BBS5: variants seen among roughly 807,000 people sequenced by gnomAD.
The protein encoded by BBS5 is BBSome complex member BBS5.
BBS5 carries 39 observed loss-of-function variants against 50.2 expected under a neutral mutation model. That is an observed-to-expected ratio of 0.78 (90% CI 0.60 to 1.01). The LOEUF (loss-of-function observed/expected upper bound fraction) is 1.01, where lower values mean the gene tolerates loss of function less well. Among genes scored for constraint, BBS5 ranks in the 50% least tolerant of loss-of-function variants. The pLI is 0.00. For missense variants in BBS5, 356 were observed against 401.5 expected (o/e 0.89, Z 0.97); for synonymous variants, 134 against 133.1 (o/e 1.01, Z -0.05).
At position 169,479,494 on chromosome 2, in the gene BBS5, A is replaced by G; in HGVS notation, c.-60A>G. On this transcript the variant is annotated 5_prime_UTR_variant, in exon 1 of 12. Transcript: ENST00000295240. Reference sequence around the variant, plus strand: ...AGAGGCGGCCCGTTGCCTTGGAGCCAGAGAGACGCAGCTAGGCCTGCACGG... The same window carrying G: ...AGAGGCGGCCCGTTGCCTTGGAGCCGGAGAGACGCAGCTAGGCCTGCACGG... The G allele has an allele frequency of 1.3e-6, 2 of 1,591,910 alleles. No individual in the cohort carries two copies. Among genetic ancestry groups the G allele is most frequent in the South Asian group, 1.1e-5 (1 of 90,002 alleles).
chr2:169,503,479 T>C (rs1047255787), intron 10 of BBS5, among the ~76,000 whole-genome samples: 9 of 151,852 alleles, frequency 5.9e-5, no homozygotes, highest in Non-Finnish European at 1.0e-4. Flanking sequence ...CTGGCCAACA[T>C]GGCAAAAATC....
At chr2:169,482,129 A>G in intron 1 of BBS5, 122 bp from the exon 2 acceptor site, 1 of 750,550 alleles carries the variant, frequency 1.3e-6, no homozygotes, top group South Asian at 1.5e-5. Context: ...ATGCATGAAC[A>G]TTTGGTACAG....
chr2:169,482,648 A>C (rs1683418128), intron 2 of BBS5: 2 of 348,256 alleles, frequency 5.7e-6, no homozygotes, highest in African/African-American at 4.2e-5. Context: ...GATATGGGGT[A>C]GTGGAATATA....
Position 169,492,611 on chromosome 2 carries a change from G to T in BBS5, c.387-263G>T, listed in dbSNP as rs72885834. On this transcript the variant is annotated intron_variant, in intron 5 of 11. Transcript: ENST00000295240. ...AAGAAAAATATAGCTGGGTACAGTG[G>T]CACATGCCTATAGTCCCAGCTACTC... Among the ~76,000 whole-genome samples the T allele has an allele frequency of 0.081, 12,312 of 152,028 alleles. 641 individuals carry two copies. Among genetic ancestry groups the T allele is most frequent in the Non-Finnish European group, 0.11 (7,698 of 67,970 alleles).
intron 9 of BBS5, among the ~76,000 whole-genome samples, chr2:169,500,480 C>G (rs563711808): frequency 6.6e-6 from 1 of 152,344 alleles, no homozygotes; most frequent in East Asian, 1.9e-4. Context: ...TCACTGATCA[C>G]TCGATTGTAG....
At chr2:169,486,964 G>C in intron 2 of BBS5, 105 bp from the exon 3 acceptor site, 4 of 788,332 alleles carry the variant, frequency 5.1e-6, no homozygotes, top group Non-Finnish European at 9.2e-6. Flanking sequence ...AAATATCTGA[G>C]TGTTGCTTCT....
chr2:169,503,447 A>G (rs549824490), intron 10 of BBS5, among the ~76,000 whole-genome samples: 1 of 152,278 alleles, frequency 6.6e-6, no homozygotes, highest in Admixed American at 6.5e-5. Flanking sequence ...ATCGCTTGAG[A>G]GGATAGGAGT....
intron 10 of BBS5, 133 bp downstream of exon 10, chr2:169,503,311 A>G: frequency 1.3e-6 from 1 of 749,554 alleles, no homozygotes; most frequent in South Asian, 1.6e-5. Context: ...TTTGAAGATA[A>G]TATTTTTAGT....
chr2:169,492,414 TG>T (rs1400608000), intron 5 of BBS5, among the ~76,000 whole-genome samples: 2 of 149,384 alleles, frequency 1.3e-5, no homozygotes, highest in African/African-American at 2.5e-5. Flanking sequence ...CACTTGAACC[TG>T]GGAGGCAGAG....
chr2:169,502,993 T>C (rs1683836573), intron 9 of BBS5, 102 bp from the exon 10 acceptor site: 1 of 858,804 alleles, frequency 1.2e-6, no homozygotes, highest in Non-Finnish European at 1.9e-6. Context: ...GTGATTTTTA[T>C]AAGACTTTAG....
chr2:169,482,828 C>G (rs1204620577), intron 2 of BBS5: 1 of 162,160 alleles, frequency 6.2e-6, no homozygotes, highest in Non-Finnish European at 1.3e-5. Flanking sequence ...TCCTGTGAGT[C>G]TTCTCTGACT....
rs2105303568 is a variant in BBS5 at position 169,503,153 on chromosome 2, C to G, written c.875C>G (p.Ser292Cys). ...EQIQDDVEIDSDGHTDAFVAY... is the reference protein window; with the variant it reads ...EQIQDDVEIDCDGHTDAFVAY... ...ATTCAAGATGATGTAGAAATAGACT[C>G]TGATGGTCACACGGATGCTTTTGTG... Residue 292 changes from serine to cysteine, a missense_variant, in exon 10 of 12, where the codon TCT becomes TGT. By Grantham distance (112) the Ser-to-Cys change is moderately radical. Coordinates refer to ENST00000295240, the MANE Select transcript of BBS5 (RefSeq NM_152384.3). The G allele has an allele frequency of 6.2e-7, 1 of 1,613,776 alleles. No homozygotes were observed. Among genetic ancestry groups the G allele is most frequent in the Admixed American group, 1.7e-5 (1 of 60,012 alleles).
intron 9 of BBS5, among the ~76,000 whole-genome samples, chr2:169,501,388 CATTT>C (rs1683798912): frequency 6.6e-6 from 1 of 152,100 alleles, no homozygotes; most frequent in African/African-American, 2.4e-5. Flanking sequence ...CCAGTTTCAT[CATTT>C]ATTTGTGATC....
intron 8 of BBS5, 195 bp from the exon 9 acceptor site, chr2:169,499,291 G>A (rs1683754208): frequency 1.8e-6 from 1 of 544,054 alleles, no homozygotes; most frequent in African/African-American, 1.9e-5. Context: ...CTGGATGATG[G>A]CTCCGTGGAG....
rs1222339920 is a variant in BBS5 at position 169,484,470 on chromosome 2, T to C, written c.142+2137T>C. 3.3e-5 allele frequency among the ~76,000 whole-genome samples: 5 copies of C among 152,312 alleles called. No individual in the cohort carries two copies. In the East Asian group the frequency reaches 9.6e-4, roughly 29 times the overall value. On this transcript the variant is annotated intron_variant, in intron 2 of 11. Coordinates refer to ENST00000295240, the MANE Select transcript of BBS5 (RefSeq NM_152384.3). ...ATTTTACAGGAGTACGCAGCGCTTC[T>C]GGTCATTAAGGAGTTAAAAAATGGA...
Position 169,505,000 on chromosome 2 carries a change from A to G in BBS5, c.*418A>G. The G allele has an allele frequency of 6.2e-7, 1 of 1,610,230 alleles. No individual in the cohort carries two copies. The highest frequency in any genetic ancestry group is 8.5e-7 in the Non-Finnish European group (1 of 1,178,936). On this transcript the variant is annotated 3_prime_UTR_variant, in exon 12 of 12. Transcript: ENST00000295240. ...GAGCTGATAAAGAACTTCTTCCCAA[A>G]ATGGCCGAAGCTGGACTGTACTGCT...
intron 10 of BBS5, among the ~76,000 whole-genome samples, 170 bp from the exon 11 acceptor site, chr2:169,504,133 T>C (rs1683857861): frequency 6.6e-6 from 1 of 152,182 alleles, no homozygotes; most frequent in South Asian, 2.1e-4. Flanking sequence ...ATGAACAGAG[T>C]GAATTCTGCT....
At chr2:169,489,043 G>A (rs1182319892) in intron 5 of BBS5, among the ~76,000 whole-genome samples, 1 of 151,988 alleles carries the variant, frequency 6.6e-6, no homozygotes, top group African/African-American at 2.4e-5. Context: ...CCAGGCTGGA[G>A]TATAGTGGTG....
rs1683884162 is a variant in BBS5, at chr2:169,505,161, T to C, written c.*579T>C. ...TGGTGGAGACGGGGTTTCGCTGTGT[T>C]GGCCGGGCTGGTCTCCAGCTCCTAA... On this transcript the variant is annotated 3_prime_UTR_variant, in exon 12 of 12. Transcript: ENST00000295240. 1 of 619,388 alleles carries C rather than the reference T, an allele frequency of 1.6e-6. No homozygotes were observed. The highest frequency in any genetic ancestry group is 2.4e-5 in the Admixed American group (1 of 42,282). The allele number at this position is 619,388 out of a possible 1,614,324, so 38.4% of individuals were successfully genotyped here.
Sources: gnomAD v4.1 joint callset for allele counts (sites outside exome capture counted in the v4.1 genomes callset) on GRCh38, gnomAD v4.1.1 for gene constraint, MANE v1.5 for transcripts, NCBI Gene and HGNC (gene_info 2026-07-23, HGNC 2026-07-21) for gene names.